CEP104: variants seen among roughly 807,000 people sequenced by gnomAD.
CEP104 encodes centrosomal protein of 104 kDa.
In CEP104, 84 loss-of-function variants were observed where a neutral mutation model predicts 113.3. That is an observed-to-expected ratio of 0.74 (90% CI 0.62 to 0.89). CEP104 has a LOEUF of 0.89. Among genes scored for constraint, CEP104 ranks in the 40% least tolerant of loss-of-function variants. The pLI, the probability that CEP104 is intolerant of heterozygous loss-of-function variation, is 0.00. For missense variants in CEP104, 1,053 were observed against 1,156.6 expected, an observed-to-expected ratio of 0.91 and a Z score of 1.30; for synonymous variants, 378 against 421.7, an observed-to-expected ratio of 0.90 and a Z score of 1.27.
At position 3,839,723 on chromosome 1, in the gene CEP104, T is replaced by A. The variant is rs1644379156; in HGVS notation, c.620A>T (p.Asp207Val). The part of the protein sequence containing the change: ...LDDLAFDMYQ[D>V]PEVAQIIRKL... The stretch of plus-strand genomic sequence containing the variant: ...TCGTATGATCTGTGCAACTTCTGGA[T>A]CTTGGTACATATCAAAAGCTAAGTC... The change falls in exon 7 of 22, where the codon GAT becomes GTT. Residue 207 changes from aspartate to valine, a missense_variant. Asp to Val is a radical substitution (Grantham distance 152). Transcript: ENST00000378230. The A allele has an allele frequency of 1.9e-6, 3 of 1,613,968 alleles. No individual in the cohort carries two copies. Among genetic ancestry groups the A allele is most frequent in the Non-Finnish European group, 2.5e-6 (3 of 1,179,928 alleles).
chr1:3,829,601 G>C (rs1056906111), intron 14 of CEP104, 190 bp downstream of exon 14: 15 of 684,970 alleles, frequency 2.2e-5, no homozygotes, highest in Non-Finnish European at 3.4e-5. Context: ...GGGAACCTAA[G>C]GGTCTCACTG....
intron 20 of CEP104, among the ~76,000 whole-genome samples, chr1:3,821,891 C>T (rs1314711933): frequency 6.6e-6 from 1 of 152,226 alleles, no homozygotes; most frequent in Non-Finnish European, 1.5e-5. Flanking sequence ...CAACCAGGCA[C>T]CGGGGCCTTC....
intron 18 of CEP104, among the ~76,000 whole-genome samples, chr1:3,824,409 G>GA (rs1644043667): frequency 6.6e-6 from 1 of 152,232 alleles, no homozygotes; most frequent in Non-Finnish European, 1.5e-5. Flanking sequence ...AGTAATGCAA[G>GA]AAAGGCCTAA....
rs752655065 is a variant in CEP104 at position 3,839,624 on chromosome 1, A to G, written c.719T>C (p.Ile240Thr). The change falls in exon 7 of 22, where the codon ATT (isoleucine) becomes ACT (threonine). Residue 240 changes from isoleucine to threonine, a missense_variant. Coordinates refer to ENST00000378230, the MANE Select transcript of CEP104 (RefSeq NM_014704.4). ...YDYAKKLKQA[I>T]ADLQKVGERL... ...AGGCAATACCTTTTGCAAATCAGCA[A>G]TGGCTTGTTTTAGTTTCTTGGCATA... 1.5e-5 allele frequency: 24 copies of G among 1,612,216 alleles called. No individual in the cohort carries two copies. In the Admixed American group the frequency reaches 4.0e-4, roughly 27 times the overall value.
At chr1:3,826,471 T>C (rs777766282) in intron 16 of CEP104, 35 bp from the exon 17 acceptor site, 1 of 1,575,014 alleles carries the variant, frequency 6.3e-7, no homozygotes, top group South Asian at 1.1e-5. Flanking sequence ...TAACTTTTTA[T>C]AGAAATTATT....
chr1:3,837,633 GGC>G, intron 8 of CEP104, 114 bp from the exon 9 acceptor site: 2 of 888,726 alleles, frequency 2.3e-6, no homozygotes, highest in Non-Finnish European at 1.7e-6. Flanking sequence ...GAGGCTCCTT[GGC>G]ACAATGAAAA....
At chr1:3,852,206 C>T (rs1644624169) in intron 2 of CEP104, 89 bp downstream of exon 2, 5 of 1,277,512 alleles carry the variant, frequency 3.9e-6, no homozygotes, top group Non-Finnish European at 5.3e-6. Flanking sequence ...ATAGTAAAAT[C>T]TGAGGCTCTG....
rs143027585 is a variant in CEP104 at position 3,819,808 on chromosome 1, G to A, written c.2571+3366C>T. ...ACAATTCACACGAAATTAGAAAGACGTGTCTCAGCAGGCTGGAGTGGCAGA... is the reference window on the plus strand; with the variant it reads ...ACAATTCACACGAAATTAGAAAGACATGTCTCAGCAGGCTGGAGTGGCAGA... On this transcript the variant is annotated intron_variant, in intron 20 of 21. Coordinates refer to ENST00000378230, the MANE Select transcript of CEP104 (RefSeq NM_014704.4). The surrounding 1 kb of genome is among the most constrained non-coding windows in gnomAD (Gnocchi z 4.6). Among the ~76,000 whole-genome samples the A allele has an allele frequency of 4.6e-3, 699 of 152,312 alleles. 8 individuals carry two copies. The highest frequency in any genetic ancestry group is 0.016 in the African/African-American group (650 of 41,578).
Position 3,843,032 on chromosome 1 carries a change from C to T in CEP104, c.566+1875G>A, listed in dbSNP as rs142022346. 2.4e-3 allele frequency: 1,177 copies of T among 483,020 alleles called. 11 individuals are homozygous for T. Among genetic ancestry groups the T allele is most frequent in the African/African-American group, 0.022 (1,093 of 49,074 alleles). 29.9% of individuals were successfully genotyped at this position (483,020 alleles called of 1,614,324 possible). Reference sequence around the variant, plus strand: ...TGAATTCCTGACCTCAAGTGATCTGCCCAACTCAGCCTCCCAAAGTGCTGG... The same window carrying T: ...TGAATTCCTGACCTCAAGTGATCTGTCCAACTCAGCCTCCCAAAGTGCTGG... On this transcript the variant is annotated intron_variant, in intron 6 of 21. Coordinates refer to ENST00000378230, the MANE Select transcript of CEP104 (RefSeq NM_014704.4).
intron 6 of CEP104, among the ~76,000 whole-genome samples, chr1:3,841,113 C>A (rs1026081232): frequency 1.3e-5 from 2 of 152,150 alleles, no homozygotes; most frequent in African/African-American, 2.4e-5. Context: ...TGGAAGTGTC[C>A]CAGCTGCTGT....
chr1:3,851,256 G>A (rs186660663), intron 2 of CEP104, among the ~76,000 whole-genome samples: 59 of 151,932 alleles, frequency 3.9e-4, no homozygotes, highest in African/African-American at 1.3e-3. Flanking sequence ...ACTCACTTCC[G>A]GGAAATGCAG....
At chr1:3,816,447 G>T (rs1016995542) in intron 20 of CEP104, 77 bp from the exon 21 acceptor site, 7 of 1,215,772 alleles carry the variant, frequency 5.8e-6, no homozygotes, top group Non-Finnish European at 7.9e-6. Context: ...AAAAGGACTC[G>T]CTGTGTAAGC....
intron 6 of CEP104, among the ~76,000 whole-genome samples, chr1:3,840,259 C>T (rs150530900): frequency 0.013 from 2,006 of 152,190 alleles, 53 homozygotes; most frequent in African/African-American, 0.045. Context: ...TTTTCGGAGG[C>T]GGAGTCTCAC....
chr1:3,839,145 C>G (rs1299908180), intron 7 of CEP104, 26 bp from the exon 8 acceptor site: 3 of 1,610,516 alleles, frequency 1.9e-6, no homozygotes, highest in Non-Finnish European at 1.7e-6. Context: ...TTTGCTTTTT[C>G]TTTCAAATTT....
intron 1 of CEP104, among the ~76,000 whole-genome samples, chr1:3,854,870 A>AT (rs36065862): frequency 0.55 from 67,257 of 122,938 alleles, 20,682 homozygotes; most frequent in Non-Finnish European, 0.67. Context: ...CAGTCTCCAA[A>AT]TTTTTTTTTT....
chr1:3,834,281 T>C (rs113378019), intron 11 of CEP104, among the ~76,000 whole-genome samples: 1 of 151,744 alleles, frequency 6.6e-6, no homozygotes, highest in South Asian at 2.1e-4. Context: ...GTATCTAACA[T>C]CCCTGCTTCA....
chr1:3,817,836 C>T (rs776710344), intron 20 of CEP104, among the ~76,000 whole-genome samples: 7 of 152,238 alleles, frequency 4.6e-5, no homozygotes, highest in Non-Finnish European at 8.8e-5. Context: ...AACTCATGCG[C>T]CTGGGCTTGT....
chr1:3,817,784 C>T (rs1643902396), intron 20 of CEP104, among the ~76,000 whole-genome samples: 1 of 152,224 alleles, frequency 6.6e-6, no homozygotes, highest in Non-Finnish European at 1.5e-5. Flanking sequence ...TTGCTTTGGC[C>T]AATGGGACAG....
intron 5 of CEP104, 75 bp downstream of exon 5, chr1:3,845,214 T>G: frequency 1.2e-5 from 13 of 1,071,270 alleles, no homozygotes; most frequent in Non-Finnish European, 1.7e-5. Context: ...GACACATTTT[T>G]TGGGTGAAAA....
Sources: allele counts gnomAD v4.1 joint callset (sites outside exome capture counted in the v4.1 genomes callset), GRCh38; gene constraint gnomAD v4.1.1; non-coding constraint Gnocchi (gnomAD v3.1); transcripts MANE v1.5; gene names NCBI Gene and HGNC (gene_info 2026-07-23, HGNC 2026-07-21).